Variants in ADK observed in about 807,000 individuals in gnomAD.
ADK encodes the protein adenosine kinase.
A neutral mutation model predicts 44.7 loss-of-function variants in ADK; 24 were observed. The ratio of observed to expected loss-of-function variants is 0.54; its 90% CI spans 0.39 to 0.76. The LOEUF (loss-of-function observed/expected upper bound fraction) is 0.76, where lower values mean the gene tolerates loss of function less well. Ranked by LOEUF, ADK falls within the 30% of genes least tolerant of loss-of-function variation. The probability of loss-of-function intolerance (pLI) is 0.00; values close to 1 mark genes in which losing one functional copy is unlikely to be tolerated. For synonymous variants in ADK, 128 were observed against 142.6 expected (o/e 0.90, Z 0.73); for missense variants, 321 against 425.1 (o/e 0.76, Z 2.15).
intron 7 of ADK, among the ~76,000 whole-genome samples, chr10:74,547,481 A>AT (rs1564785912): frequency 9.2e-5 from 10 of 108,802 alleles, no homozygotes; most frequent in African/African-American, 1.2e-4. Flanking sequence ...TTTTTATTTT[A>AT]TTATTTTTTT....
intron 3 of ADK, among the ~76,000 whole-genome samples, chr10:74,261,210 A>G (rs1286117948): frequency 6.6e-6 from 1 of 152,060 alleles, no homozygotes; most frequent in Non-Finnish European, 1.5e-5. Flanking sequence ...CTTTCCCACC[A>G]CATTATTTAT....
intron 6 of ADK, among the ~76,000 whole-genome samples, chr10:74,502,579 A>C (rs945167342): frequency 5.3e-5 from 8 of 152,174 alleles, no homozygotes; most frequent in Admixed American, 4.6e-4. Flanking sequence ...AGCACATTCT[A>C]CCACTTGATA....
chr10:74,221,945 C>G (rs1350353981), intron 2 of ADK, among the ~76,000 whole-genome samples: 3 of 152,186 alleles, frequency 2.0e-5, no homozygotes, highest in Non-Finnish European at 2.9e-5. Context: ...CATTACTATT[C>G]AGGACATAGG....
intron 3 of ADK, among the ~76,000 whole-genome samples, chr10:74,303,537 G>A (rs1425487181): frequency 1.5e-5 from 2 of 133,520 alleles, no homozygotes; most frequent in East Asian, 2.3e-4. Flanking sequence ...TTTGGAAGAT[G>A]AAAGAAAGTA....
At chr10:74,392,057 T>A (rs1471869593) in intron 4 of ADK, among the ~76,000 whole-genome samples, 1 of 152,162 alleles carries the variant, frequency 6.6e-6, no homozygotes, top group Non-Finnish European at 1.5e-5. Context: ...TATCCTTTAA[T>A]TGTTGATAGA....
chr10:74,405,488 T>C (rs1357271913), intron 6 of ADK, among the ~76,000 whole-genome samples: 1 of 152,200 alleles, frequency 6.6e-6, no homozygotes, highest in East Asian at 1.9e-4. Context: ...TTTATTATTA[T>C]ACTTTAAGTT....
At chr10:74,599,815 G>A (rs886685432) in intron 8 of ADK, among the ~76,000 whole-genome samples, 4 of 152,038 alleles carry the variant, frequency 2.6e-5, no homozygotes, top group Non-Finnish European at 5.9e-5. Flanking sequence ...GAAAGGATTA[G>A]CATTTCTTTC....
intron 8 of ADK, among the ~76,000 whole-genome samples, chr10:74,597,468 G>A (rs185106710): frequency 3.9e-5 from 6 of 152,076 alleles, no homozygotes; most frequent in Admixed American, 3.9e-4. Flanking sequence ...TTCCAGAATC[G>A]AATCCCACAT....
At chr10:74,611,588 T>C (rs890561010) in intron 9 of ADK, among the ~76,000 whole-genome samples, 2 of 151,852 alleles carry the variant, frequency 1.3e-5, no homozygotes, top group Non-Finnish European at 2.9e-5. Context: ...TGGGCTTCTA[T>C]TGAACCCATC....
intron 8 of ADK, among the ~76,000 whole-genome samples, 182 bp from the exon 9 acceptor site, chr10:74,600,194 GGGT>G (rs1852064372): frequency 6.6e-6 from 1 of 151,530 alleles, no homozygotes; most frequent in Non-Finnish European, 1.5e-5. Flanking sequence ...GATCATTGAT[GGGT>G]TCCTTGGAAG....
chr10:74,304,718 A>G (rs1199702448), intron 3 of ADK, among the ~76,000 whole-genome samples: 3 of 152,226 alleles, frequency 2.0e-5, no homozygotes, highest in African/African-American at 7.2e-5. Flanking sequence ...GGTAGTGTGC[A>G]TGTTCTTAAA....
rs781661838 is a variant in ADK, at chr10:74,200,777, T to C, written c.79T>C (p.Phe27Leu). Residue 27 changes from phenylalanine (F) to leucine (L), a missense_variant, in exon 2 of 11, where the codon TTT (phenylalanine) becomes CTT (leucine). Coordinates refer to ENST00000539909, the MANE Select transcript of ADK (RefSeq NM_006721.4). ...APQALRENIL[F>L]GMGNPLLDIS... ...GTGTTTTTTTAGAGAAAATATTCTC[T>C]TTGGAATGGGAAATCCTCTGCTTGA... The C allele has an allele frequency of 2.0e-5, 32 of 1,610,670 alleles. No individual in the cohort carries two copies. Among genetic ancestry groups the C allele is most frequent in the African/African-American group, 2.7e-5 (2 of 74,856 alleles).
intron 6 of ADK, among the ~76,000 whole-genome samples, chr10:74,487,204 T>A (rs1184793131): frequency 6.6e-6 from 1 of 152,092 alleles, no homozygotes; most frequent in Non-Finnish European, 1.5e-5. Flanking sequence ...TATTTTGTAG[T>A]TAACCCTATT....
intron 3 of ADK, among the ~76,000 whole-genome samples, chr10:74,284,860 C>G (rs1206892488): frequency 6.6e-6 from 1 of 152,230 alleles, no homozygotes; most frequent in Non-Finnish European, 1.5e-5. Context: ...TAGGAGTCAT[C>G]TTTGTCAAAC....
In ADK at chr10:74,312,914, C is replaced by CAAA. The variant is rs56052959; in HGVS notation, c.195-1729_195-1727dup. On this transcript the variant is annotated intron_variant, in intron 3 of 10. Transcript: ENST00000539909. Reference sequence around the variant, plus strand: ...GGATGAAAAAGGAAGATTCTGTCTCCAAAAAAAAAAAAAAAAAAAAAAAAA... The same window carrying CAAA: ...GGATGAAAAAGGAAGATTCTGTCTCCAAAAAAAAAAAAAAAAAAAAAAAAAAAA... Among the ~76,000 whole-genome samples the CAAA allele has an allele frequency of 2.4e-3, 92 of 37,816 alleles. 14 individuals carry two copies. Among genetic ancestry groups the CAAA allele is most frequent in the African/African-American group, 8.0e-3 (82 of 10,206 alleles). 24.8% of individuals were successfully genotyped at this position (37,816 alleles called of 152,430 possible). A position where few individuals can be genotyped will look rare whatever the true frequency, so the allele number is the denominator to read the frequency against.
At chr10:74,215,299 G>C (rs1843969504) in intron 2 of ADK, among the ~76,000 whole-genome samples, 1 of 152,164 alleles carries the variant, frequency 6.6e-6, no homozygotes, top group South Asian at 2.1e-4. Context: ...TGAAAGCCAT[G>C]GTGGGAAGTT....
intron 6 of ADK, among the ~76,000 whole-genome samples, chr10:74,476,785 T>G (rs976778030): frequency 1.3e-5 from 2 of 152,214 alleles, no homozygotes; most frequent in Non-Finnish European, 2.9e-5. Flanking sequence ...TATTGCTCCT[T>G]TACGGTAGTT....
intron 7 of ADK, among the ~76,000 whole-genome samples, chr10:74,543,047 C>A (rs1382091352): frequency 6.6e-6 from 1 of 151,796 alleles, no homozygotes; most frequent in Non-Finnish European, 1.5e-5. Context: ...ACTACAGGTG[C>A]CTGCCACCAC....
intron 1 of ADK, 37 bp downstream of exon 1, chr10:74,151,380 G>T: frequency 1.3e-6 from 2 of 1,548,430 alleles, no homozygotes; most frequent in Non-Finnish European, 1.7e-6. Context: ...GGGTGACGGC[G>T]CTGCAAGCAA....
Sources: allele counts gnomAD v4.1 joint callset (sites outside exome capture counted in the v4.1 genomes callset), GRCh38; gene constraint gnomAD v4.1.1; transcripts MANE v1.5; gene names NCBI Gene and HGNC (gene_info 2026-07-23, HGNC 2026-07-21).